Variants in FAM186B observed in about 807,000 individuals in gnomAD.
The protein encoded by FAM186B is protein FAM186B.
FAM186B carries 68 observed loss-of-function variants against 83.4 expected under a neutral mutation model. That is an observed-to-expected ratio of 0.81 (90% confidence interval 0.67 to 1.00). The LOEUF (loss-of-function observed/expected upper bound fraction) is 1.00, where lower values mean the gene tolerates loss of function less well. Among genes scored for constraint, FAM186B ranks in the 50% least tolerant of loss-of-function variants. The pLI is 0.00. For synonymous variants in FAM186B, 389 were observed against 422.0 expected (o/e 0.92, Z 0.96); for missense variants, 983 against 1,099.2 (o/e 0.89, Z 1.49).
intron 5 of FAM186B, chr12:49,594,065 A>C (rs1368149297): frequency 5.1e-6 from 1 of 197,102 alleles, no homozygotes; most frequent in Non-Finnish European, 1.1e-5. Context: ...CTAGAAAGAC[A>C]CTCAGAGTAA....
intron 5 of FAM186B, among the ~76,000 whole-genome samples, chr12:49,589,978 C>CAAAAAAAAA (rs57724815): frequency 1.6e-5 from 1 of 60,680 alleles, no homozygotes; most frequent in Non-Finnish European, 3.2e-5. Context: ...ACTCTGTCTC[C>CAAAAAAAAA]AAAAAAAAAA....
upstream of FAM186B, among the ~76,000 whole-genome samples, chr12:49,606,675 C>T (rs1940030578): frequency 6.6e-6 from 1 of 151,914 alleles, no homozygotes. Context: ...TAGGTAAATC[C>T]AAAATTATAG....
chr12:49,622,562 A>G, the FAM186B span: 1 of 152,274 alleles, frequency 6.6e-6, no homozygotes, highest in Non-Finnish European at 1.5e-5. Flanking sequence ...TGTGGGTATC[A>G]TTTTGATTAA....
At chr12:49,590,835 A>C (rs1939565410) in intron 5 of FAM186B, among the ~76,000 whole-genome samples, 1 of 152,234 alleles carries the variant, frequency 6.6e-6, no homozygotes, top group Non-Finnish European at 1.5e-5. Context: ...ATGTAAGTAC[A>C]TACTTAAAAT....
At chr12:49,601,621 G>GTT (rs78749792) in intron 3 of FAM186B, among the ~76,000 whole-genome samples, 3,346 of 145,874 alleles carry the variant, frequency 0.023, 114 homozygotes, top group African/African-American at 0.078. Context: ...CATGTTTTAT[G>GTT]TTTTTTTTTT....
intron 5 of FAM186B, among the ~76,000 whole-genome samples, chr12:49,597,924 G>A (rs1340962974): frequency 6.6e-6 from 1 of 152,174 alleles, no homozygotes; most frequent in Non-Finnish European, 1.5e-5. Flanking sequence ...TCCAGGTGTG[G>A]TGGTGGGTAC....
intron 5 of FAM186B, among the ~76,000 whole-genome samples, chr12:49,591,051 T>G (rs978470588): frequency 6.6e-6 from 1 of 152,092 alleles, no homozygotes; most frequent in African/African-American, 2.4e-5. Flanking sequence ...TGTATACCCA[T>G]TCAGACAACA....
At chr12:49,595,533 T>A (rs1939696233) in intron 5 of FAM186B, 1 of 460,760 alleles carries the variant, frequency 2.2e-6, no homozygotes, top group Non-Finnish European at 4.4e-6. Flanking sequence ...ATGGAAGCCA[T>A]TACACCTACT....
rs752950919 is a variant in FAM186B at position 49,599,531 on chromosome 12, G to A, written c.2109C>T (p.Gly703=). 1.2e-5 allele frequency: 19 copies of A among 1,602,080 alleles called. No individual in the cohort carries two copies. The highest frequency in any genetic ancestry group is 4.5e-5 in the East Asian group (2 of 44,816). The change falls in exon 4 of 7, where the codon GGC becomes GGT. Residue 703 remains glycine, a synonymous_variant. Transcript: ENST00000257894. ...GGCACAGGTACTGCAGCCTGAGCGC[G>A]CCCAGCTCCATGGTGGTGGTGGTGA... ...LELTTTTMEL[G]ALRLQYLCHK...
upstream of FAM186B, among the ~76,000 whole-genome samples, chr12:49,606,912 A>G (rs1475959259): frequency 6.6e-6 from 1 of 152,236 alleles, no homozygotes; most frequent in Non-Finnish European, 1.5e-5. Context: ...AGTCTAAAAT[A>G]ATACAAAATA....
Position 49,599,857 on chromosome 12 carries a change from G to A in FAM186B, c.1783C>T (p.Pro595Ser), listed in dbSNP as rs778234525. 5.0e-6 allele frequency: 8 copies of A among 1,608,322 alleles called. No homozygotes were observed. The highest frequency in any genetic ancestry group is 3.4e-6 in the Non-Finnish European group (4 of 1,176,698). Residue 595 changes from proline (P) to serine (S), a missense_variant, in exon 4 of 7, where the codon CCC becomes TCC. By Grantham distance (74) the Pro-to-Ser change is moderately conservative. Coordinates refer to ENST00000257894, the MANE Select transcript of FAM186B (RefSeq NM_032130.3). ...GGCTGCTGGGTACTAGGAGACATGGGCAAGTGTGGCCTCCTGCTTTGGTGA... is the reference window on the plus strand; with the variant it reads ...GGCTGCTGGGTACTAGGAGACATGGACAAGTGTGGCCTCCTGCTTTGGTGA... ...SAHQSRRPHL[P>S]MSPSTQQPAL... is the part of the protein sequence containing the mutation.
chr12:49,587,923 T>C (rs568227567), intron 6 of FAM186B, among the ~76,000 whole-genome samples, 171 bp from the exon 7 acceptor site: 6 of 152,192 alleles, frequency 3.9e-5, no homozygotes, highest in Non-Finnish European at 8.8e-5. Context: ...TCTCACTTCC[T>C]TGGGGCTCCT....
At chr12:49,603,041 C>T in intron 3 of FAM186B, 144 bp downstream of exon 3, 1 of 851,436 alleles carries the variant, frequency 1.2e-6, no homozygotes, top group Non-Finnish European at 1.9e-6. Context: ...AACCCTCAGC[C>T]CCTCACCACT....
chr12:49,595,190 A>G (rs1939685669), intron 5 of FAM186B: 1 of 543,468 alleles, frequency 1.8e-6, no homozygotes, highest in Non-Finnish European at 3.5e-6. Flanking sequence ...CATCCTGTAG[A>G]TGTCATGAGG....
In FAM186B at chr12:49,600,556, T is replaced by C. The variant is rs149981032; in HGVS notation, c.1084A>G (p.Met362Val). Residue 362 changes from methionine (M) to valine (V), a missense_variant, in exon 4 of 7, where the codon ATG becomes GTG. Met to Val is a conservative substitution (Grantham distance 21). Transcript: ENST00000257894. This position sits in a 1 kb window ranked among gnomAD's most constrained non-coding sequence, Gnocchi z 4.3. ...TVMEESQQEP[M>V]KEEQLFSPLP... The stretch of plus-strand genomic sequence containing the variant: ...GGCGAGAACAACTGCTCCTCCTTCA[T>C]CGGTTCCTGTTGGCTTTCCTCCATG... 1 of 1,613,778 alleles carries C rather than the reference T, an allele frequency of 6.2e-7. No homozygotes were observed.
intron 5 of FAM186B, among the ~76,000 whole-genome samples, chr12:49,591,437 TA>T (rs1416055932): frequency 1.3e-5 from 2 of 152,142 alleles, no homozygotes; most frequent in Non-Finnish European, 2.9e-5. Context: ...GCTGCCCACC[TA>T]GAATTCTACA....
At chr12:49,613,525 T>TG in the FAM186B span, among the ~76,000 whole-genome samples, 1 of 112,368 alleles carries the variant, frequency 8.9e-6, no homozygotes, top group Non-Finnish European at 1.8e-5. Context: ...AGACTCCATC[T>TG]CAAAAAAAAA....
chr12:49,610,529 G>A (rs574196036), upstream of FAM186B, among the ~76,000 whole-genome samples: 131 of 152,296 alleles, frequency 8.6e-4, no homozygotes, highest in Non-Finnish European at 1.6e-3. Flanking sequence ...GGTGGCTCAC[G>A]CCTGTAATCC....
At chr12:49,608,788 G>C (rs1016125989), upstream of FAM186B, among the ~76,000 whole-genome samples, 8 of 151,568 alleles carry the variant, frequency 5.3e-5, no homozygotes, top group African/African-American at 1.9e-4. Context: ...GGCACTTTGG[G>C]AAAGTGCCCT....
Sources: allele counts gnomAD v4.1 joint callset (sites outside exome capture counted in the v4.1 genomes callset), GRCh38; gene constraint gnomAD v4.1.1; non-coding constraint Gnocchi (gnomAD v3.1); transcripts MANE v1.5; gene names NCBI Gene and HGNC (gene_info 2026-07-23, HGNC 2026-07-21).